SRGAP1: variants seen among roughly 807,000 people sequenced by gnomAD.
SRGAP1 encodes SLIT-ROBO Rho GTPase-activating protein 1.
Under a neutral mutation model 121.9 loss-of-function variants are expected in SRGAP1, and 43 were observed. The ratio of observed to expected loss-of-function variants is 0.35; its 90% CI spans 0.28 to 0.46. SRGAP1 has a LOEUF of 0.46. Among genes scored for constraint, SRGAP1 ranks in the 20% least tolerant of loss-of-function variants. The pLI, the probability that SRGAP1 is intolerant of heterozygous loss-of-function variation, is 1.00. For synonymous variants in SRGAP1, 447 were observed against 485.4 expected, an observed-to-expected ratio of 0.92 and a Z score of 1.04; for missense variants, 1,102 against 1,350.9, an observed-to-expected ratio of 0.82 and a Z score of 2.89.
At chr12:63,942,356 A>G (rs937194398) in intron 1 of SRGAP1, among the ~76,000 whole-genome samples, 8 of 152,256 alleles carry the variant, frequency 5.3e-5, no homozygotes, top group African/African-American at 1.9e-4. Flanking sequence ...TGACATATAC[A>G]ATATGTCTAA....
Position 64,153,176 on chromosome 12 carries a change from G to A in SRGAP1, c.*10504G>A, listed in dbSNP as rs1166006354. ...GACCCAAGCAGAAGGAACTGCACAT[G>A]GGAAAACAGGACCATGCTCACGTGG... is the stretch of plus-strand genomic sequence containing the variant. On this transcript the variant is annotated 3_prime_UTR_variant, in exon 22 of 22. Transcript: ENST00000355086. 1 of 151,842 alleles carries A rather than the reference G, an allele frequency of 6.6e-6. No homozygotes were observed. The highest frequency in any genetic ancestry group is 1.5e-5 in the Non-Finnish European group (1 of 68,048). The allele number at this position is 151,842 out of a possible 1,614,324, so 9.4% of individuals were successfully genotyped here.
chr12:64,032,200 G>A (rs1593061875), intron 4 of SRGAP1, among the ~76,000 whole-genome samples: 1 of 152,270 alleles, frequency 6.6e-6, no homozygotes, highest in Non-Finnish European at 1.5e-5. Context: ...CCATGCTCCA[G>A]TGCTTCTCCC....
chr12:64,063,077 T>G lies in SRGAP1; in HGVS notation c.962T>G (p.Met321Arg). 6.2e-7 allele frequency: 1 copy of G among 1,614,134 alleles called. No individual in the cohort carries two copies. The highest frequency in any genetic ancestry group is 8.5e-7 in the Non-Finnish European group (1 of 1,179,996). ...AGCGATAAGCAGAGATTCATGGAGA[T>G]GTACCCTGCTGCGTTCTGTCCACCA... is the stretch of plus-strand genomic sequence containing the variant. ...PRSDKQRFME[M>R]YPAAFCPPMK... The change falls in exon 7 of 22, where the codon ATG becomes AGG. Residue 321 changes from methionine to arginine, a missense_variant. Met to Arg is a moderately conservative substitution (Grantham distance 91). Around this residue, in one of 3 missense-constraint regions of SRGAP1, gnomAD observed 747 missense variants for 929.4 expected, o/e 0.80. Coordinates refer to ENST00000355086, the MANE Select transcript of SRGAP1 (RefSeq NM_020762.4).
intron 4 of SRGAP1, among the ~76,000 whole-genome samples, chr12:64,033,456 C>G (rs1004403896): frequency 2.0e-5 from 3 of 152,100 alleles, no homozygotes; most frequent in African/African-American, 7.2e-5. Flanking sequence ...GTGGCTCATG[C>G]CTGTAATCCC....
Position 64,097,248 on chromosome 12 carries a change from T to C in SRGAP1, c.1686T>C (p.Asn562=). The change falls in exon 15 of 22, where the codon AAT becomes AAC. Residue 562 remains asparagine (N), a synonymous_variant. Coordinates refer to ENST00000355086, the MANE Select transcript of SRGAP1 (RefSeq NM_020762.4). The part of the protein sequence containing the change: ...DIKNSFERGE[N]PLADDQSNHD... ...TTTTTTTTTTTTTTTTAGGTGAAAA[T>C]CCTTTGGCTGATGACCAGAGTAACC... is the stretch of plus-strand genomic sequence containing the variant. 2 of 1,567,676 alleles carry C rather than the reference T, an allele frequency of 1.3e-6. No individual in the cohort carries two copies. The highest frequency in any genetic ancestry group is 1.4e-5 in the African/African-American group (1 of 71,392).
At position 63,946,576 on chromosome 12, in the gene SRGAP1, C is replaced by T. The variant is rs543910241; in HGVS notation, c.68-37371C>T. On this transcript the variant is annotated intron_variant, in intron 1 of 21. Coordinates refer to ENST00000355086, the MANE Select transcript of SRGAP1 (RefSeq NM_020762.4). ...TTTTTTTGAGACAGAGTCTCACTCT[C>T]TCTCTCGCCCACGCTGGAGTGCAGT... is the stretch of plus-strand genomic sequence containing the variant. Among the ~76,000 whole-genome samples, 8 of 148,982 alleles carry T rather than the reference C, an allele frequency of 5.4e-5. No individual in the cohort carries two copies. The South Asian group carries it at 1.7e-3, about 32-fold the overall frequency.
chr12:64,081,659 A>C (rs1325361351), intron 10 of SRGAP1: 1 of 152,052 alleles, frequency 6.6e-6, no homozygotes, highest in African/African-American at 2.4e-5. Flanking sequence ...AATATTATTG[A>C]ATTAGTGTTA....
chr12:64,019,422 G>A (rs1246974839), intron 4 of SRGAP1, among the ~76,000 whole-genome samples: 3 of 152,148 alleles, frequency 2.0e-5, no homozygotes, highest in Non-Finnish European at 2.9e-5. Context: ...TTAAGGGATA[G>A]GGCAGACAAG....
At chr12:63,922,044 T>C (rs1032964672) in intron 1 of SRGAP1, among the ~76,000 whole-genome samples, 8 of 151,892 alleles carry the variant, frequency 5.3e-5, no homozygotes, top group Non-Finnish European at 1.0e-4. Flanking sequence ...AGTGGTGTGA[T>C]CTTGGCTCAC....
intron 18 of SRGAP1, among the ~76,000 whole-genome samples, chr12:64,122,769 G>A (rs893937533): frequency 2.6e-5 from 4 of 152,068 alleles, no homozygotes; most frequent in East Asian, 1.9e-4. Flanking sequence ...ATGGTGGCAC[G>A]TGCCTGCAGT....
intron 1 of SRGAP1, among the ~76,000 whole-genome samples, chr12:63,922,205 C>G (rs1161189893): frequency 3.9e-5 from 6 of 152,104 alleles, no homozygotes; most frequent in African/African-American, 1.2e-4. Flanking sequence ...TCTTGTAATC[C>G]TGACCTCAAG....
At chr12:64,085,431 C>T (rs955935951) in intron 10 of SRGAP1, among the ~76,000 whole-genome samples, 4 of 152,158 alleles carry the variant, frequency 2.6e-5, no homozygotes, top group Admixed American at 2.0e-4. Flanking sequence ...GTTTCTCTAC[C>T]CTCAACCCTT....
intron 1 of SRGAP1, among the ~76,000 whole-genome samples, chr12:63,939,973 T>G (rs2031806186): frequency 1.3e-5 from 2 of 152,034 alleles, no homozygotes; most frequent in East Asian, 3.9e-4. Flanking sequence ...TTTTCTTTTT[T>G]TTTTGAGACA....
intron 3 of SRGAP1, among the ~76,000 whole-genome samples, chr12:64,012,724 T>C (rs2034288064): frequency 6.6e-6 from 1 of 151,812 alleles, no homozygotes; most frequent in Non-Finnish European, 1.5e-5. Flanking sequence ...CTAATTTTTG[T>C]ATTTTTTCTA....
chr12:64,013,122 A>T (rs2034299625), intron 3 of SRGAP1, among the ~76,000 whole-genome samples: 1 of 152,224 alleles, frequency 6.6e-6, no homozygotes, highest in African/African-American at 2.4e-5. Flanking sequence ...GTAATGTCGT[A>T]TGCTAACTGG....
intron 21 of SRGAP1, among the ~76,000 whole-genome samples, chr12:64,141,529 G>A (rs186690375): frequency 0.03 from 4,579 of 152,104 alleles, 71 homozygotes; most frequent in South Asian, 0.098. Flanking sequence ...GCAGTGAGCC[G>A]AGATCATGTC....
rs922152088 is a variant in SRGAP1, at chr12:64,149,234, G to A, written c.*6562G>A. ...TGACGGAATAATGTTGAACTAACCT[G>A]TTGACCGGAAGGCCTACTCAAAGGC... On this transcript the variant is annotated 3_prime_UTR_variant, in exon 22 of 22. Transcript: ENST00000355086. The A allele has an allele frequency of 4.6e-5, 7 of 152,176 alleles. No individual in the cohort carries two copies. The highest frequency in any genetic ancestry group is 8.8e-5 in the Non-Finnish European group (6 of 68,030). The allele number at this position is 152,176 out of a possible 1,614,324, so 9.4% of individuals were successfully genotyped here. A position where few individuals can be genotyped will look rare whatever the true frequency, so the allele number is the denominator to read the frequency against.
intron 3 of SRGAP1, among the ~76,000 whole-genome samples, chr12:64,011,032 A>G (rs1037034583): frequency 6.6e-6 from 1 of 151,960 alleles, no homozygotes; most frequent in African/African-American, 2.4e-5. Flanking sequence ...CCAGCCAAAG[A>G]GAAGGAGGGA....
chr12:64,029,214 G>A (rs1301338865), intron 4 of SRGAP1, among the ~76,000 whole-genome samples: 2 of 152,132 alleles, frequency 1.3e-5, no homozygotes, highest in African/African-American at 4.8e-5. Flanking sequence ...TAGAATTTGT[G>A]GAATGCAGTT....
Sources: allele counts gnomAD v4.1 joint callset (sites outside exome capture counted in the v4.1 genomes callset), GRCh38; gene constraint gnomAD v4.1.1; regional missense constraint gnomAD v4.1.1; transcripts MANE v1.5; gene names NCBI Gene and HGNC (gene_info 2026-07-23, HGNC 2026-07-21).